Variants in CCDC68 observed in about 807,000 individuals in gnomAD.
The protein encoded by CCDC68 is coiled-coil domain-containing protein 68.
CCDC68 carries 45 observed loss-of-function variants against 47.1 expected under a neutral mutation model. The observed-to-expected ratio is 0.96, with a 90% CI of 0.75 to 1.23. CCDC68 has a LOEUF of 1.23. Among genes scored for constraint, CCDC68 ranks in the 50% most tolerant of loss-of-function variants. The pLI, the probability that CCDC68 is intolerant of heterozygous loss-of-function variation, is 0.00. For synonymous variants in CCDC68, 131 were observed against 129.5 expected (o/e 1.01, Z -0.08); for missense variants, 353 against 373.6 (o/e 0.94, Z 0.45).
At chr18:54,949,396 T>A (rs1045077762) in intron 1 of CCDC68, among the ~76,000 whole-genome samples, 2 of 152,228 alleles carry the variant, frequency 1.3e-5, no homozygotes, top group African/African-American at 2.4e-5. Flanking sequence ...CTAAACTTTT[T>A]GAGGCTTCGT....
At chr18:54,927,163 C>G (rs761932404) in intron 8 of CCDC68, among the ~76,000 whole-genome samples, 14 of 152,118 alleles carry the variant, frequency 9.2e-5, no homozygotes, top group East Asian at 1.9e-4. Context: ...AACTGAATGC[C>G]TCTACATAAA....
intron 6 of CCDC68, among the ~76,000 whole-genome samples, chr18:54,936,426 GC>G (rs2044350772): frequency 6.6e-6 from 1 of 151,514 alleles, no homozygotes; most frequent in African/African-American, 2.4e-5. Context: ...CATGTGTCTA[GC>G]CCAACTCTTT....
intron 7 of CCDC68, among the ~76,000 whole-genome samples, chr18:54,932,406 G>A (rs1293413975): frequency 4.0e-5 from 6 of 151,722 alleles, no homozygotes; most frequent in South Asian, 2.1e-4. Flanking sequence ...GGCCAGGCTC[G>A]TCTTGAACTC....
chr18:54,937,257 T>C (rs553478066), intron 5 of CCDC68: 4 of 273,028 alleles, frequency 1.5e-5, no homozygotes, highest in Admixed American at 5.0e-5. Flanking sequence ...CATGGTGCTC[T>C]GTCAGCTTAT....
intron 8 of CCDC68, among the ~76,000 whole-genome samples, chr18:54,925,006 G>T (rs2044122418): frequency 6.6e-6 from 1 of 151,978 alleles, no homozygotes; most frequent in East Asian, 1.9e-4. Context: ...CATTATTCAG[G>T]GTTCTTTTTA....
intron 1 of CCDC68, among the ~76,000 whole-genome samples, chr18:54,956,708 C>G (rs891478571): frequency 5.9e-5 from 9 of 152,098 alleles, no homozygotes; most frequent in African/African-American, 2.2e-4. Flanking sequence ...CCAGAAAAGG[C>G]AGATCTAAAC....
At chr18:54,911,631 C>T (rs1914375925) in intron 10 of CCDC68, among the ~76,000 whole-genome samples, 1 of 152,052 alleles carries the variant, frequency 6.6e-6, no homozygotes, top group African/African-American at 2.4e-5. Context: ...AGGGCAGGCA[C>T]ATATTATAGG....
At chr18:54,940,116 A>ACACT (rs1419899015) in intron 4 of CCDC68, among the ~76,000 whole-genome samples, 2 of 152,046 alleles carry the variant, frequency 1.3e-5, no homozygotes, top group African/African-American at 4.8e-5. Context: ...ATTTCTCTCC[A>ACACT]CACTCACTCA....
At chr18:54,941,153 G>C (rs922962904) in intron 3 of CCDC68, 70 bp from the exon 4 acceptor site, 5 of 960,208 alleles carry the variant, frequency 5.2e-6, no homozygotes, top group Non-Finnish European at 8.4e-6. Flanking sequence ...CTCAATACCA[G>C]TTACAGGGTA....
chr18:54,955,813 G>T (rs900392737), intron 1 of CCDC68, among the ~76,000 whole-genome samples: 1 of 152,124 alleles, frequency 6.6e-6, no homozygotes, highest in Admixed American at 6.5e-5. Context: ...CACCTCCCAG[G>T]TTCAAGCAAT....
chr18:54,951,492 C>A (rs1314490422), intron 1 of CCDC68, among the ~76,000 whole-genome samples: 1 of 152,164 alleles, frequency 6.6e-6, no homozygotes, highest in South Asian at 2.1e-4. Flanking sequence ...AGAAACAAGG[C>A]TCAACAAGAT....
chr18:54,940,094 A>T (rs1396519627), intron 4 of CCDC68, among the ~76,000 whole-genome samples: 2 of 152,166 alleles, frequency 1.3e-5, no homozygotes, highest in Non-Finnish European at 2.9e-5. Flanking sequence ...CTCAGTCCTT[A>T]GATCTTCTCT....
At chr18:54,935,005 C>T in intron 6 of CCDC68, 57 bp from the exon 7 acceptor site, 1 of 1,317,138 alleles carries the variant, frequency 7.6e-7, no homozygotes, top group South Asian at 2.2e-5. Context: ...AACCTATACA[C>T]ATATTACCTC....
intron 8 of CCDC68, among the ~76,000 whole-genome samples, chr18:54,924,317 C>T (rs763431259): frequency 1.3e-5 from 2 of 151,898 alleles, no homozygotes; most frequent in African/African-American, 4.8e-5. Flanking sequence ...AGACTCTGAA[C>T]AGCGGAGAGA....
At chr18:54,943,733 G>C (rs1445939265) in intron 2 of CCDC68, among the ~76,000 whole-genome samples, 1 of 152,178 alleles carries the variant, frequency 6.6e-6, no homozygotes, top group Non-Finnish European at 1.5e-5. Flanking sequence ...ACTGTGAACT[G>C]TGTTTGGTGT....
At chr18:54,927,064 T>C (rs115972757) in intron 8 of CCDC68, among the ~76,000 whole-genome samples, 2,050 of 152,328 alleles carry the variant, frequency 0.013, 42 homozygotes, top group African/African-American at 0.041. Context: ...TAACAGAAAC[T>C]GTCTTTTTTG....
At chr18:54,932,263 C>T (rs2044277489) in intron 7 of CCDC68, among the ~76,000 whole-genome samples, 1 of 151,418 alleles carries the variant, frequency 6.6e-6, no homozygotes, top group African/African-American at 2.4e-5. Context: ...CGGCTCACTG[C>T]AGCCTCCACC....
intron 9 of CCDC68, among the ~76,000 whole-genome samples, chr18:54,918,345 C>T (rs1043165641): frequency 6.6e-6 from 1 of 152,148 alleles, no homozygotes; most frequent in Admixed American, 6.5e-5. Context: ...GGACAGGATG[C>T]GAGACCACTG....
chr18:54,945,668 T>C (rs2044512984), intron 1 of CCDC68, among the ~76,000 whole-genome samples, 191 bp from the exon 2 acceptor site: 1 of 152,220 alleles, frequency 6.6e-6, no homozygotes, highest in African/African-American at 2.4e-5. Flanking sequence ...CCAAGAATTT[T>C]CCATTTTATT....
Sources: gnomAD v4.1 joint callset for allele counts (sites outside exome capture counted in the v4.1 genomes callset) on GRCh38, gnomAD v4.1.1 for gene constraint, MANE v1.5 for transcripts, NCBI Gene and HGNC (gene_info 2026-07-23, HGNC 2026-07-21) for gene names.